BICRAL: variants seen among roughly 807,000 people sequenced by gnomAD.
BICRAL encodes BRD4-interacting chromatin-remodeling complex-associated protein-like.
BICRAL carries 8 observed loss-of-function variants against 91.8 expected under a neutral mutation model. The ratio of observed to expected loss-of-function variants is 0.09; its 90% CI spans 0.05 to 0.16. BICRAL has a LOEUF of 0.16. Ranked by LOEUF, BICRAL falls within the 10% of genes least tolerant of loss-of-function variation. BICRAL has a pLI of 1.00. For missense variants in BICRAL, 1,038 were observed against 1,310.9 expected, an observed-to-expected ratio of 0.79 and a Z score of 3.21; for synonymous variants, 445 against 491.1, an observed-to-expected ratio of 0.91 and a Z score of 1.24.
intron 1 of BICRAL, among the ~76,000 whole-genome samples, chr6:42,748,096 G>T (rs1478061761): frequency 6.8e-6 from 1 of 146,568 alleles, no homozygotes; most frequent in Non-Finnish European, 1.5e-5. Context: ...GAGCCACTGT[G>T]CCTGGCCCTT....
At chr6:42,750,164 CT>C (rs912248154) in intron 1 of BICRAL, among the ~76,000 whole-genome samples, 1 of 150,478 alleles carries the variant, frequency 6.6e-6, no homozygotes, top group Non-Finnish European at 1.5e-5. Context: ...TGCCTGGGCC[CT>C]TTTTTTTTAA....
At chr6:42,848,842 CAATT>C (rs778376988) in intron 6 of BICRAL, among the ~76,000 whole-genome samples, 5 of 152,106 alleles carry the variant, frequency 3.3e-5, no homozygotes, top group African/African-American at 7.2e-5. Flanking sequence ...AATGACAAAA[CAATT>C]AATTATAAAG....
At chr6:42,841,166 A>T (rs543133443) in intron 6 of BICRAL, among the ~76,000 whole-genome samples, 333 of 146,888 alleles carry the variant, frequency 2.3e-3, no homozygotes, top group African/African-American at 7.8e-3. Flanking sequence ...AGAGTGCCTG[A>T]ATGATCACTC....
At position 42,766,972 on chromosome 6, in the gene BICRAL, G is replaced by A. The variant is rs528789275; in HGVS notation, c.-260-14867G>A. Reference sequence around the variant, plus strand: ...GGAGAATGGCGTGAACCCGGAAGGCGGAGCTTGCAGTGAGCTGAGATGGCG... The same window carrying A: ...GGAGAATGGCGTGAACCCGGAAGGCAGAGCTTGCAGTGAGCTGAGATGGCG... On this transcript the variant is annotated intron_variant, in intron 1 of 14. Transcript: ENST00000614467. Among the ~76,000 whole-genome samples the A allele has an allele frequency of 2.0e-3, 311 of 152,052 alleles. 1 individual carries two copies. Among genetic ancestry groups the A allele is most frequent in the Middle Eastern group, 0.017 (5 of 294 alleles).
chr6:42,802,428 T>TTTTGTTGTTG (rs1554277647), intron 1 of BICRAL, among the ~76,000 whole-genome samples: 10 of 104,042 alleles, frequency 9.6e-5, no homozygotes, highest in African/African-American at 2.5e-4. Context: ...CGTGTTTTTT[T>TTTTGTTGTTG]TTGTTGTTGT....
chr6:42,760,572 CTATTAT>C (rs200892024), intron 1 of BICRAL, among the ~76,000 whole-genome samples: 1 of 149,398 alleles, frequency 6.7e-6, no homozygotes, highest in Non-Finnish European at 1.5e-5. Context: ...ATTATTATTA[CTATTAT>C]TATTATTATT....
chr6:42,833,270 G>A (rs1041809977), intron 6 of BICRAL, among the ~76,000 whole-genome samples: 13 of 151,832 alleles, frequency 8.6e-5, no homozygotes, highest in African/African-American at 2.9e-4. Context: ...TTAGCCAGGT[G>A]ACCTCCTGAC....
At chr6:42,808,350 C>T (rs1330459049) in intron 1 of BICRAL, among the ~76,000 whole-genome samples, 2 of 152,044 alleles carry the variant, frequency 1.3e-5, no homozygotes, top group Non-Finnish European at 2.9e-5. Context: ...AGGCTGGTCT[C>T]GAACTCCCGA....
chr6:42,767,027 G>A (rs1382026314), intron 1 of BICRAL, among the ~76,000 whole-genome samples: 1 of 147,860 alleles, frequency 6.8e-6, no homozygotes, highest in Non-Finnish European at 1.5e-5. Context: ...GCAACAGAGT[G>A]AGACTCCATC....
chr6:42,833,946 G>T (rs997100913), intron 6 of BICRAL, among the ~76,000 whole-genome samples: 25 of 151,076 alleles, frequency 1.7e-4, no homozygotes, highest in African/African-American at 4.4e-4. Context: ...CCTCTGCCTC[G>T]CAGGTTCAAG....
chr6:42,830,261 C>A, intron 6 of BICRAL, 89 bp downstream of exon 6: 1 of 1,386,182 alleles, frequency 7.2e-7, no homozygotes, highest in Non-Finnish European at 9.8e-7. Context: ...TCATCCTAGG[C>A]ATCCAATTTC....
rs769356045 is a variant in BICRAL at position 42,864,797 on chromosome 6, G to A, written c.2591G>A (p.Arg864Gln). Residue 864 changes from arginine to glutamine, a missense_variant, in exon 13 of 13, where the codon CGA becomes CAA. By Grantham distance (43) the Arg-to-Gln change is conservative (BLOSUM62 1). Around this residue, in one of 5 missense-constraint regions of BICRAL, gnomAD observed 294 missense variants for 292.6 expected, o/e 1.00. Transcript: ENST00000314073. Reference sequence around the variant, plus strand: ...CCAGCCAAGGCCCAAGGCAGAGACCGAGCCAAAACCGGTGTGACGGAACCC... The same window carrying A: ...CCAGCCAAGGCCCAAGGCAGAGACCAAGCCAAAACCGGTGTGACGGAACCC... ...QPPAKAQGRDRAKTGVTEPMN... is the reference protein window; with the variant it reads ...QPPAKAQGRDQAKTGVTEPMN... 1.6e-4 allele frequency: 251 copies of A among 1,614,048 alleles called. No individual in the cohort carries two copies. The highest frequency in any genetic ancestry group is 2.0e-4 in the Non-Finnish European group (233 of 1,180,038).
In BICRAL at chr6:42,867,751, A is replaced by G. The variant is rs937842453; in HGVS notation, c.*2305A>G. 1 of 152,156 alleles carries G rather than the reference A, an allele frequency of 6.6e-6. No homozygotes were observed. Among genetic ancestry groups the G allele is most frequent in the Non-Finnish European group, 1.5e-5 (1 of 68,024 alleles). The allele number at this position is 152,156 out of a possible 1,614,324, so 9.4% of individuals were successfully genotyped here. A position where few individuals can be genotyped will look rare whatever the true frequency, so the allele number is the denominator to read the frequency against. The stretch of plus-strand genomic sequence containing the variant: ...TCCTAGCTTTTCTATATACCATCCT[A>G]AAGGGTTTTTAAGCCCTAACACTTG... On this transcript the variant is annotated 3_prime_UTR_variant, in exon 13 of 13. Transcript: ENST00000314073.
At chr6:42,752,279 A>G (rs946773160) in intron 1 of BICRAL, among the ~76,000 whole-genome samples, 3 of 152,194 alleles carry the variant, frequency 2.0e-5, no homozygotes, top group Non-Finnish European at 2.9e-5. Context: ...AACGTCTAGC[A>G]CATAGGCTGG....
chr6:42,782,361 T>TG (rs1762938771), intron 1 of BICRAL, among the ~76,000 whole-genome samples: 3 of 23,082 alleles, frequency 1.3e-4, no homozygotes, highest in Non-Finnish European at 2.3e-4. Flanking sequence ...GGTGGGTTTG[T>TG]GGGTGGGTGA....
At chr6:42,816,887 G>A (rs911803304) in intron 2 of BICRAL, among the ~76,000 whole-genome samples, 13 of 151,616 alleles carry the variant, frequency 8.6e-5, no homozygotes, top group Non-Finnish European at 1.5e-4. Flanking sequence ...GGTGGTGGGC[G>A]CCTGTAGTCC....
chr6:42,819,540 C>T (rs954192948), intron 2 of BICRAL, among the ~76,000 whole-genome samples: 3 of 152,174 alleles, frequency 2.0e-5, no homozygotes, highest in African/African-American at 7.2e-5. Context: ...CCCACCTCGG[C>T]CTCCCAAAGT....
At chr6:42,755,872 C>T (rs1762451024) in intron 1 of BICRAL, among the ~76,000 whole-genome samples, 1 of 151,936 alleles carries the variant, frequency 6.6e-6, no homozygotes, top group East Asian at 1.9e-4. Context: ...TGGGGTTTCA[C>T]CGTGTTGCCC....
chr6:42,757,303 G>A (rs1220114299), intron 1 of BICRAL, among the ~76,000 whole-genome samples: 1 of 151,152 alleles, frequency 6.6e-6, no homozygotes, highest in Non-Finnish European at 1.5e-5. Context: ...CCAGGCTGGA[G>A]TGCAATGGAG....
Sources: allele counts gnomAD v4.1 joint callset (sites outside exome capture counted in the v4.1 genomes callset), GRCh38; gene constraint gnomAD v4.1.1; regional missense constraint gnomAD v4.1.1; transcripts MANE v1.5; gene names NCBI Gene and HGNC (gene_info 2026-07-23, HGNC 2026-07-21).